The following BCL2L13 variants were observed in gnomAD, a reference collection of about 807,000 sequenced individuals.
BCL2L13 encodes the protein BCL2 like 13.
BCL2L13 carries 13 observed loss-of-function variants against 25.8 expected under a neutral mutation model. The ratio of observed to expected loss-of-function variants is 0.50; its 90% CI spans 0.33 to 0.80. BCL2L13 has a LOEUF of 0.80. BCL2L13 is among the 30% of genes least tolerant of loss of function. The pLI is 0.02. For missense variants in BCL2L13, 504 were observed against 574.9 expected (o/e 0.88, Z 1.26); for synonymous variants, 244 against 230.3 (o/e 1.06, Z -0.54).
chr22:17,711,401 G>A (rs1601755498), intron 6 of BCL2L13, among the ~76,000 whole-genome samples: 1 of 144,714 alleles, frequency 6.9e-6, no homozygotes, highest in African/African-American at 2.6e-5. Flanking sequence ...GGGCTCAAAC[G>A]ATCCTCCCAC....
At position 17,685,760 on chromosome 22, in the gene BCL2L13, C is replaced by CTTTTTTTTTTTTTTTTTTTT. The variant is rs1166792513; in HGVS notation, c.229+2449_229+2468dup. 6.1e-4 allele frequency among the ~76,000 whole-genome samples: 37 copies of CTTTTTTTTTTTTTTTTTTTT among 60,572 alleles called. 11 individuals carry two copies. Among genetic ancestry groups the CTTTTTTTTTTTTTTTTTTTT allele is most frequent in the Admixed American group, 1.0e-3 (4 of 3,854 alleles). The allele number at this position is 60,572 out of a possible 152,430, so 39.7% of individuals were successfully genotyped here. A position where few individuals can be genotyped will look rare whatever the true frequency, so the allele number is the denominator to read the frequency against. ...TATTGCCCAATAATTTTTTCTTTTT[C>CTTTTTTTTTTTTTTTTTTTT]TTTTTTTTTTTTTTTTTTTTTTTTT... On this transcript the variant is annotated intron_variant, in intron 3 of 6. Coordinates refer to ENST00000317582, the MANE Select transcript of BCL2L13 (RefSeq NM_015367.4).
intron 2 of BCL2L13, among the ~76,000 whole-genome samples, chr22:17,670,660 C>T (rs1004601965): frequency 2.0e-5 from 3 of 152,118 alleles, no homozygotes; most frequent in African/African-American, 7.2e-5. Flanking sequence ...CCACTGCGCC[C>T]GGCTTACATC....
At chr22:17,680,819 C>T (rs926891043) in intron 2 of BCL2L13, among the ~76,000 whole-genome samples, 5 of 152,050 alleles carry the variant, frequency 3.3e-5, no homozygotes, top group African/African-American at 1.2e-4. Context: ...GGTCATTGTC[C>T]TTGAGCTCGT....
intron 6 of BCL2L13, among the ~76,000 whole-genome samples, chr22:17,709,330 C>T (rs1423902789): frequency 1.3e-5 from 2 of 151,558 alleles, no homozygotes; most frequent in Non-Finnish European, 2.9e-5. Context: ...CGTGGTGGCT[C>T]ACGCCTGTAA....
At position 17,702,301 on chromosome 22, in the gene BCL2L13, A is replaced by G. The variant is rs1464991575; in HGVS notation, c.515A>G (p.Gln172Arg). ...QMLLELTRRG[Q>R]EPLSALLQFG... is the part of the protein sequence containing the mutation. Reference sequence around the variant, plus strand: ...CTTTTGGAATTGACAAGACGTGGTCAAGAACCTTTGAGCGCACTGCTGCAG... The same window carrying G: ...CTTTTGGAATTGACAAGACGTGGTCGAGAACCTTTGAGCGCACTGCTGCAG... The change falls in exon 6 of 7, where the codon CAA becomes CGA. Residue 172 changes from glutamine (Q) to arginine (R), a missense_variant. Physicochemically the swap from Gln to Arg is conservative, Grantham distance 43 (BLOSUM62 1). Coordinates refer to ENST00000317582, the MANE Select transcript of BCL2L13 (RefSeq NM_015367.4). 1.2e-6 allele frequency: 2 copies of G among 1,612,562 alleles called. No homozygotes were observed. Among genetic ancestry groups the G allele is most frequent in the Non-Finnish European group, 8.5e-7 (1 of 1,179,250 alleles).
intron 2 of BCL2L13, among the ~76,000 whole-genome samples, chr22:17,673,649 T>A (rs1448114604): frequency 3.3e-5 from 5 of 151,996 alleles, no homozygotes. Flanking sequence ...AGTGCTGGGA[T>A]TACAGGCATG....
At chr22:17,684,934 G>C (rs535187558) in intron 3 of BCL2L13, among the ~76,000 whole-genome samples, 9 of 151,818 alleles carry the variant, frequency 5.9e-5, no homozygotes, top group Non-Finnish European at 8.8e-5. Flanking sequence ...GGGTTTCAGC[G>C]TGTTAGCCAG....
At chr22:17,685,703 A>T (rs906546086) in intron 3 of BCL2L13, among the ~76,000 whole-genome samples, 8 of 148,460 alleles carry the variant, frequency 5.4e-5, no homozygotes, top group African/African-American at 2.0e-4. Flanking sequence ...TGCTGCTGTG[A>T]ATATTCTTGT....
chr22:17,630,225 C>CAA (rs79307050), intron 1 of BCL2L13, among the ~76,000 whole-genome samples: 5 of 81,870 alleles, frequency 6.1e-5, no homozygotes, highest in South Asian at 3.5e-4. Context: ...CTCAAAAAAA[C>CAA]AAAAAAAAAA....
chr22:17,696,914 T>C (rs1349768348), intron 5 of BCL2L13, among the ~76,000 whole-genome samples: 1 of 152,106 alleles, frequency 6.6e-6, no homozygotes, highest in Non-Finnish European at 1.5e-5. Context: ...GGTGGCTTAG[T>C]GCAGTGTGAG....
intron 1 of BCL2L13, among the ~76,000 whole-genome samples, chr22:17,631,668 GTGTATA>G (rs1469125806): frequency 1.4e-3 from 30 of 21,858 alleles, no homozygotes; most frequent in African/African-American, 4.0e-3. Flanking sequence ...ATGTGTGTGT[GTGTATA>G]TATATATATA....
rs1410429304 is a variant in BCL2L13, at chr22:17,729,550, C to T, written c.*2016C>T. On this transcript the variant is annotated 3_prime_UTR_variant, in exon 7 of 7. Coordinates refer to ENST00000317582, the MANE Select transcript of BCL2L13 (RefSeq NM_015367.4). ...TATTAACACTTGCCAGTTCTGGATC[C>T]TCACACCCATTGGCTGAGCGCATTC... 1 of 152,164 alleles carries T rather than the reference C, an allele frequency of 6.6e-6. No individual in the cohort carries two copies. Among genetic ancestry groups the T allele is most frequent in the Non-Finnish European group, 1.5e-5 (1 of 68,038 alleles). The allele number at this position is 152,164 out of a possible 1,614,324, so 9.4% of individuals were successfully genotyped here. A position where few individuals can be genotyped will look rare whatever the true frequency, so the allele number is the denominator to read the frequency against.
chr22:17,658,755 C>G (rs1462668615), intron 2 of BCL2L13, among the ~76,000 whole-genome samples: 1 of 149,164 alleles, frequency 6.7e-6, no homozygotes, highest in Non-Finnish European at 1.5e-5. Flanking sequence ...AACTATAATG[C>G]TTGTATAAAA....
intron 2 of BCL2L13, among the ~76,000 whole-genome samples, chr22:17,675,617 G>C (rs928533267): frequency 1.3e-5 from 2 of 152,160 alleles, no homozygotes; most frequent in Non-Finnish European, 2.9e-5. Context: ...TTATGACAGT[G>C]ATTGATCAAA....
At chr22:17,684,393 C>T (rs1048830831) in intron 3 of BCL2L13, among the ~76,000 whole-genome samples, 28 of 152,304 alleles carry the variant, frequency 1.8e-4, no homozygotes, top group African/African-American at 6.7e-4. Context: ...AAATTTAGAA[C>T]ACTTTCGGTT....
In BCL2L13 at chr22:17,726,957, C is replaced by T. The variant is rs762316280; in HGVS notation, c.881C>T (p.Ala294Val). ...EEVKSLDSNG[A>V]GEKSENNSSN... ...GTGAAAAGCTTAGACAGCAACGGAGCTGGAGAGAAGAGTGAGAACAACTCC... is the reference window on the plus strand; with the variant it reads ...GTGAAAAGCTTAGACAGCAACGGAGTTGGAGAGAAGAGTGAGAACAACTCC... The change falls in exon 7 of 7, where the codon GCT (alanine) becomes GTT (valine). Residue 294 changes from alanine to valine, a missense_variant. Ala to Val is a moderately conservative substitution (Grantham distance 64). Transcript: ENST00000317582. 6.2e-7 allele frequency: 1 copy of T among 1,614,170 alleles called. No homozygotes were observed. Among genetic ancestry groups the T allele is most frequent in the East Asian group, 2.2e-5 (1 of 44,882 alleles).
chr22:17,650,968 C>T (rs1045606575), intron 1 of BCL2L13, among the ~76,000 whole-genome samples: 2 of 150,506 alleles, frequency 1.3e-5, no homozygotes, highest in African/African-American at 4.9e-5. Context: ...TGTGAGCCAC[C>T]GCACCTCGTC....
At chr22:17,680,070 C>T (rs2059690337) in intron 2 of BCL2L13, among the ~76,000 whole-genome samples, 1 of 151,518 alleles carries the variant, frequency 6.6e-6, no homozygotes, top group Non-Finnish European at 1.5e-5. Flanking sequence ...AAAAATTAGC[C>T]GGGCGTGTTG....
chr22:17,691,792 A>G (rs919091952), intron 4 of BCL2L13, among the ~76,000 whole-genome samples: 1 of 152,186 alleles, frequency 6.6e-6, no homozygotes, highest in African/African-American at 2.4e-5. Flanking sequence ...GTGTTATGTA[A>G]GTTTTTAAAA....
Sources: gnomAD v4.1 joint callset for allele counts (sites outside exome capture counted in the v4.1 genomes callset) on GRCh38, gnomAD v4.1.1 for gene constraint, MANE v1.5 for transcripts, NCBI Gene and HGNC (gene_info 2026-07-23, HGNC 2026-07-21) for gene names.